Variants in CBFA2T3 observed in about 807,000 individuals in gnomAD.
The protein encoded by CBFA2T3 is CBFA2/RUNX1 partner transcriptional co-repressor 3, also known as transcriptional corepressor CBFA2T3.
A neutral mutation model predicts 58.6 loss-of-function variants in CBFA2T3; 31 were observed. That is an observed-to-expected ratio of 0.53 (90% CI 0.40 to 0.71). CBFA2T3 has a LOEUF of 0.71. Ranked by LOEUF, CBFA2T3 falls within the 30% of genes least tolerant of loss-of-function variation. The pLI is 0.00. For missense variants in CBFA2T3, 1,076 were observed against 963.1 expected (o/e 1.12, Z -1.55); for synonymous variants, 531 against 421.9 (o/e 1.26, Z -3.17).
intron 1 of CBFA2T3, among the ~76,000 whole-genome samples, chr16:88,905,519 G>A (rs907612566): frequency 6.6e-6 from 1 of 151,826 alleles, no homozygotes; most frequent in East Asian, 1.9e-4. Flanking sequence ...GGGCCCCCCA[G>A]GATGCAGCTC....
chr16:88,918,153 C>A (rs1970798110), intron 1 of CBFA2T3, among the ~76,000 whole-genome samples: 2 of 152,218 alleles, frequency 1.3e-5, no homozygotes, highest in South Asian at 4.1e-4. Context: ...GCCCCTGGGA[C>A]CCCAGGACCC....
intron 1 of CBFA2T3, among the ~76,000 whole-genome samples, chr16:88,973,759 AGG>A (rs1214363948): frequency 6.6e-6 from 1 of 152,166 alleles, no homozygotes; most frequent in Non-Finnish European, 1.5e-5. Flanking sequence ...GGTCGGGTAG[AGG>A]GAGCCCAGGC....
chr16:88,970,996 C>T (rs1195072012), intron 1 of CBFA2T3, among the ~76,000 whole-genome samples: 1 of 152,144 alleles, frequency 6.6e-6, no homozygotes, highest in East Asian at 1.9e-4. Context: ...GCTTGTGGAG[C>T]CGCCAGGCAG....
intron 1 of CBFA2T3, among the ~76,000 whole-genome samples, chr16:88,904,444 C>T (rs574672099): frequency 1.4e-4 from 22 of 152,248 alleles, no homozygotes; most frequent in Admixed American, 9.8e-4. Flanking sequence ...ATCGGAACCA[C>T]GACCTGGTGT....
intron 1 of CBFA2T3, among the ~76,000 whole-genome samples, chr16:88,945,973 G>T (rs1015638296): frequency 1.4e-4 from 22 of 152,224 alleles, no homozygotes; most frequent in African/African-American, 5.3e-4. Flanking sequence ...ACGATAGAGT[G>T]TTATCCATGA....
At chr16:88,896,416 G>A (rs553112780) in intron 3 of CBFA2T3, among the ~76,000 whole-genome samples, 73 of 152,286 alleles carry the variant, frequency 4.8e-4, no homozygotes, top group African/African-American at 1.6e-3. Context: ...GCGCGGCACC[G>A]ATAACGGCGT....
At chr16:88,878,610 C>T (rs908574562) in intron 11 of CBFA2T3, among the ~76,000 whole-genome samples, 1 of 152,230 alleles carries the variant, frequency 6.6e-6, no homozygotes, top group South Asian at 2.1e-4. Context: ...ACCTGGGGCC[C>T]TCACAGCTCT....
rs143660068 is a variant in CBFA2T3, at chr16:88,876,356, G to A, written c.*620C>T. ...AATCGAAATCTTTCCTCCCGTCTTCGCTGATCAGCCTCACGCCCCTGGGGG... is the reference window on the plus strand; with the variant it reads ...AATCGAAATCTTTCCTCCCGTCTTCACTGATCAGCCTCACGCCCCTGGGGG... On this transcript the variant is annotated 3_prime_UTR_variant, in exon 12 of 12. Transcript: ENST00000268679. 1.3e-4 allele frequency: 29 copies of A among 228,644 alleles called. No homozygotes were observed. The highest frequency in any genetic ancestry group is 1.3e-3 in the Middle Eastern group (1 of 780). The allele number at this position is 228,644 out of a possible 1,614,324, so 14.2% of individuals were successfully genotyped here.
chr16:88,917,376 C>T (rs1378766520), intron 1 of CBFA2T3, among the ~76,000 whole-genome samples: 1 of 152,222 alleles, frequency 6.6e-6, no homozygotes, highest in African/African-American at 2.4e-5. Flanking sequence ...GGGGAGGGCA[C>T]AGAGGCTGGG....
chr16:88,933,739 G>T (rs1396037585), intron 1 of CBFA2T3, among the ~76,000 whole-genome samples: 1 of 147,836 alleles, frequency 6.8e-6, no homozygotes, highest in African/African-American at 2.5e-5. Context: ...CACACGTCAC[G>T]TGCCTCTATA....
At chr16:88,877,313 G>A (rs1302345915) in intron 11 of CBFA2T3, 38 bp from the exon 12 acceptor site, 1 of 1,502,330 alleles carries the variant, frequency 6.7e-7, no homozygotes, top group Non-Finnish European at 8.9e-7. Context: ...GGCTGGGTCT[G>A]GCCACCCGAA....
At position 88,886,031 on chromosome 16, in the gene CBFA2T3, A is replaced by C. The variant is rs148126210; in HGVS notation, c.823T>G (p.Ser275Ala). 1 of 1,571,198 alleles carries C rather than the reference A, an allele frequency of 6.4e-7. No homozygotes were observed. The change falls in exon 6 of 12, where the codon TCC becomes GCC. Residue 275 changes from serine (S) to alanine (A), a missense_variant. Ser to Ala is a moderately conservative substitution (Grantham distance 99). Coordinates refer to ENST00000268679, the MANE Select transcript of CBFA2T3 (RefSeq NM_005187.6). ...HEQLLLDASA[S>A]SPIDSSELLL... is the part of the protein sequence containing the mutation. ...AGCTCTGAGGAGTCGATGGGGGAGG[A>C]GGCGCTGGCGTCCAGCAGGAGCTGC...
chr16:88,917,857 G>T (rs529272539), intron 1 of CBFA2T3, among the ~76,000 whole-genome samples: 32 of 150,328 alleles, frequency 2.1e-4, no homozygotes, highest in Middle Eastern at 3.4e-3. Context: ...CGACAGAGTG[G>T]GTGCGGAGGA....
At chr16:88,906,778 T>C (rs1227634197) in intron 1 of CBFA2T3, among the ~76,000 whole-genome samples, 1 of 152,070 alleles carries the variant, frequency 6.6e-6, no homozygotes, top group Non-Finnish European at 1.5e-5. Flanking sequence ...TTGTTCTGGG[T>C]CTCAGAGCCC....
intron 1 of CBFA2T3, among the ~76,000 whole-genome samples, chr16:88,942,462 C>T (rs1174578883): frequency 6.6e-6 from 1 of 152,218 alleles, no homozygotes; most frequent in Non-Finnish European, 1.5e-5. Flanking sequence ...AAAAATATGG[C>T]AACGTGCGAA....
intron 1 of CBFA2T3, among the ~76,000 whole-genome samples, chr16:88,917,718 T>C (rs1970782915): frequency 6.6e-6 from 1 of 152,276 alleles, no homozygotes; most frequent in East Asian, 1.9e-4. Flanking sequence ...TCAAGAATGT[T>C]TTCCCTGAAG....
intron 1 of CBFA2T3, among the ~76,000 whole-genome samples, chr16:88,952,597 G>A (rs919283826): frequency 3.3e-5 from 5 of 151,838 alleles, no homozygotes; most frequent in Admixed American, 1.3e-4. Flanking sequence ...CGCCCCCATC[G>A]CCTCTCTGAG....
intron 1 of CBFA2T3, chr16:88,951,329 G>A (rs1280771565): frequency 2.2e-5 from 10 of 457,518 alleles, no homozygotes; most frequent in Non-Finnish European, 4.0e-5. Flanking sequence ...CTGTCTTCTG[G>A]GTCTCCATCC....
At chr16:88,925,539 C>CT (rs953968531) in intron 1 of CBFA2T3, among the ~76,000 whole-genome samples, 5 of 152,208 alleles carry the variant, frequency 3.3e-5, no homozygotes, top group Non-Finnish European at 7.3e-5. Flanking sequence ...AAGGACGACT[C>CT]TGAGGGTGGC....
Sources: gnomAD v4.1 joint callset for allele counts (sites outside exome capture counted in the v4.1 genomes callset) on GRCh38, gnomAD v4.1.1 for gene constraint, MANE v1.5 for transcripts, NCBI Gene and HGNC (gene_info 2026-07-23, HGNC 2026-07-21) for gene names.